The following SORCS3 variants were observed in gnomAD, a reference collection of about 807,000 sequenced individuals.
The protein encoded by SORCS3 is VPS10 domain-containing receptor SorCS3.
SORCS3 carries 57 observed loss-of-function variants against 146.3 expected under a neutral mutation model. The ratio of observed to expected loss-of-function variants is 0.39; its 90% confidence interval spans 0.31 to 0.49. The LOEUF is 0.49. Ranked by LOEUF, SORCS3 falls within the 20% of genes least tolerant of loss-of-function variation. SORCS3 has a pLI of 0.92. For synonymous variants in SORCS3, 653 were observed against 618.5 expected (o/e 1.06, Z -0.83); for missense variants, 1,341 against 1,575.5 (o/e 0.85, Z 2.52).
rs756151908 is a variant in SORCS3 at position 105,178,103 on chromosome 10, G to A, written c.1939G>A (p.Gly647Ser). 3.7e-6 allele frequency: 6 copies of A among 1,613,592 alleles called. No homozygotes were observed. In the Admixed American group the frequency reaches 1.0e-4, roughly 27 times the overall value. ...FDEGHSWDKY[G>S]FTSVPLFVDG... Reference sequence around the variant, plus strand: ...TGAGGGCCACTCTTGGGACAAGTATGGTTTCACTTCGGTTCCTCTCTTTGT... The same window carrying A: ...TGAGGGCCACTCTTGGGACAAGTATAGTTTCACTTCGGTTCCTCTCTTTGT... The change falls in exon 14 of 27, where the codon GGT (glycine) becomes AGT (serine). Residue 647 changes from glycine (G) to serine (S), a missense_variant. By Grantham distance (56) the Gly-to-Ser change is moderately conservative. Coordinates refer to ENST00000369701, the MANE Select transcript of SORCS3 (RefSeq NM_014978.3).
chr10:105,068,928 A>T (rs576852818), intron 5 of SORCS3, among the ~76,000 whole-genome samples: 2 of 152,208 alleles, frequency 1.3e-5, no homozygotes, highest in Non-Finnish European at 2.9e-5. Flanking sequence ...TGTTTTTGCT[A>T]TGCAGGATTT....
chr10:104,784,557 G>A (rs752390999), intron 1 of SORCS3, among the ~76,000 whole-genome samples: 1 of 152,194 alleles, frequency 6.6e-6, no homozygotes, highest in Admixed American at 6.5e-5. Flanking sequence ...CACCCAGATA[G>A]TAATTCCCTG....
At chr10:104,694,590 A>T (rs930637166) in intron 1 of SORCS3, among the ~76,000 whole-genome samples, 2 of 152,150 alleles carry the variant, frequency 1.3e-5, no homozygotes, top group Non-Finnish European at 1.5e-5. Context: ...CCCTGGGGGC[A>T]GCCTGTGTCC....
intron 1 of SORCS3, among the ~76,000 whole-genome samples, chr10:104,815,731 T>C (rs973351638): frequency 6.6e-6 from 1 of 152,198 alleles, no homozygotes; most frequent in Non-Finnish European, 1.5e-5. Flanking sequence ...TTTTTCATGA[T>C]GCATTTAACT....
chr10:105,176,546 C>T (rs997483475), intron 13 of SORCS3, among the ~76,000 whole-genome samples: 1 of 151,798 alleles, frequency 6.6e-6, no homozygotes, highest in African/African-American at 2.4e-5. Context: ...GAGTGAGACC[C>T]TTGTCTCTTT....
At chr10:104,886,596 A>ATCTG (rs2018690952) in intron 2 of SORCS3, among the ~76,000 whole-genome samples, 1 of 151,612 alleles carries the variant, frequency 6.6e-6, no homozygotes, top group Non-Finnish European at 1.5e-5. Flanking sequence ...CTATCTATCT[A>ATCTG]TCTATCTATC....
chr10:105,021,491 A>G (rs1564736485), intron 4 of SORCS3, among the ~76,000 whole-genome samples: 1 of 152,206 alleles, frequency 6.6e-6, no homozygotes, highest in African/African-American at 2.4e-5. Context: ...TAACCAGTCA[A>G]TAGAATGTAT....
chr10:105,095,007 T>C (rs1031950631), intron 6 of SORCS3, among the ~76,000 whole-genome samples: 13 of 152,330 alleles, frequency 8.5e-5, no homozygotes, highest in African/African-American at 2.6e-4. Flanking sequence ...CTGTTTATAA[T>C]GATAAAGCTT....
chr10:104,963,353 A>G (rs1171665478), intron 3 of SORCS3, among the ~76,000 whole-genome samples: 1 of 152,178 alleles, frequency 6.6e-6, no homozygotes, highest in Non-Finnish European at 1.5e-5. Context: ...CTGTTGCTAC[A>G]TTCAGTAGCC....
intron 20 of SORCS3, among the ~76,000 whole-genome samples, chr10:105,224,405 C>T (rs1042709941): frequency 1.3e-5 from 2 of 152,130 alleles, no homozygotes; most frequent in African/African-American, 2.4e-5. Context: ...CATGTCTTTT[C>T]GTGTCTTGAT....
intron 4 of SORCS3, among the ~76,000 whole-genome samples, chr10:105,004,469 A>G (rs2055081546): frequency 6.6e-6 from 1 of 152,154 alleles, no homozygotes; most frequent in African/African-American, 2.4e-5. Flanking sequence ...ATTAAGGGGT[A>G]GGGGGTACCG....
chr10:104,874,365 C>G (rs1203160270), intron 2 of SORCS3, among the ~76,000 whole-genome samples: 1 of 152,116 alleles, frequency 6.6e-6, no homozygotes, highest in Admixed American at 6.6e-5. Flanking sequence ...CATTGTCATT[C>G]CAGTTGACAT....
chr10:104,865,772 A>C (rs1190117888), intron 2 of SORCS3, among the ~76,000 whole-genome samples: 1 of 152,228 alleles, frequency 6.6e-6, no homozygotes, highest in East Asian at 1.9e-4. Context: ...TTTTCTTGAC[A>C]TGAAGCTAGA....
intron 14 of SORCS3, among the ~76,000 whole-genome samples, chr10:105,187,845 G>T (rs1371985287): frequency 1.3e-5 from 2 of 152,186 alleles, no homozygotes; most frequent in African/African-American, 4.8e-5. Flanking sequence ...AAAATAGTCA[G>T]GGTCACTGTT....
intron 20 of SORCS3, among the ~76,000 whole-genome samples, chr10:105,235,471 T>C (rs2056788176): frequency 6.7e-6 from 1 of 149,538 alleles, no homozygotes; most frequent in Non-Finnish European, 1.5e-5. Context: ...TGTGTGTGTG[T>C]TTTGAAAACT....
chr10:104,799,247 A>G (rs989724980), intron 1 of SORCS3, among the ~76,000 whole-genome samples: 1 of 152,238 alleles, frequency 6.6e-6, no homozygotes. Flanking sequence ...ATACACACGT[A>G]TGTTTATTGC....
chr10:104,930,655 G>A (rs2019197702), intron 3 of SORCS3, among the ~76,000 whole-genome samples: 1 of 152,296 alleles, frequency 6.6e-6, no homozygotes, highest in East Asian at 1.9e-4. Flanking sequence ...GTAAGCATCA[G>A]TGCCAAGCAC....
chr10:104,743,762 G>C (rs1268504844), intron 1 of SORCS3, among the ~76,000 whole-genome samples: 1 of 152,076 alleles, frequency 6.6e-6, no homozygotes, highest in Non-Finnish European at 1.5e-5. Context: ...GAGATACTAG[G>C]CTGGAGCTGG....
intron 1 of SORCS3, among the ~76,000 whole-genome samples, chr10:104,669,465 C>G (rs1237809855): frequency 6.6e-6 from 1 of 152,186 alleles, no homozygotes; most frequent in Non-Finnish European, 1.5e-5. Context: ...GTTGATTACT[C>G]TAGCTACCTT....
Sources: gnomAD v4.1 joint callset for allele counts (sites outside exome capture counted in the v4.1 genomes callset) on GRCh38, gnomAD v4.1.1 for gene constraint, MANE v1.5 for transcripts, NCBI Gene and HGNC (gene_info 2026-07-23, HGNC 2026-07-21) for gene names.